Variants in PTPRK observed in about 807,000 individuals in gnomAD.
PTPRK encodes protein tyrosine phosphatase receptor type K, also known as receptor-type tyrosine-protein phosphatase kappa.
PTPRK carries 75 observed loss-of-function variants against 178.0 expected under a neutral mutation model. That is an observed-to-expected ratio of 0.42 (90% CI 0.35 to 0.51). PTPRK has a LOEUF of 0.51. Ranked by LOEUF, PTPRK falls within the 20% of genes least tolerant of loss-of-function variation. PTPRK has a pLI of 0.02. For missense variants in PTPRK, 1,441 were observed against 1,797.8 expected, an observed-to-expected ratio of 0.80 and a Z score of 3.59; for synonymous variants, 637 against 620.6, an observed-to-expected ratio of 1.03 and a Z score of -0.39.
intron 2 of PTPRK, among the ~76,000 whole-genome samples, chr6:128,356,315 T>G (rs1465401642): frequency 2.0e-5 from 3 of 152,304 alleles, no homozygotes; most frequent in Admixed American, 2.0e-4. Flanking sequence ...TTAATCGAGC[T>G]TATTGAAGGT....
At chr6:128,055,374 G>C (rs1779718053) in intron 13 of PTPRK, among the ~76,000 whole-genome samples, 1 of 152,052 alleles carries the variant, frequency 6.6e-6, no homozygotes. Context: ...TACTTGTTTT[G>C]ATATTTATAA....
intron 3 of PTPRK, among the ~76,000 whole-genome samples, chr6:128,261,303 A>G (rs186620625): frequency 4.1e-4 from 62 of 152,320 alleles, no homozygotes; most frequent in African/African-American, 1.5e-3. Flanking sequence ...TATGGATTTA[A>G]AATTTGAGAA....
chr6:128,306,246 A>G (rs888979470), intron 3 of PTPRK, among the ~76,000 whole-genome samples: 1 of 152,230 alleles, frequency 6.6e-6, no homozygotes, highest in African/African-American at 2.4e-5. Context: ...AAAACATTCA[A>G]GAAGGTTATA....
intron 21 of PTPRK, among the ~76,000 whole-genome samples, chr6:127,990,348 C>T (rs1274621595): frequency 1.3e-5 from 2 of 152,042 alleles, no homozygotes; most frequent in African/African-American, 4.8e-5. Context: ...CATAACCCGT[C>T]ACTCCCTCAC....
At chr6:128,180,353 AT>A (rs750633145) in intron 7 of PTPRK, among the ~76,000 whole-genome samples, 4 of 152,122 alleles carry the variant, frequency 2.6e-5, no homozygotes, top group Non-Finnish European at 5.9e-5. Flanking sequence ...GAGTTTCTGA[AT>A]TACTTCCCTT....
At chr6:128,294,859 T>C (rs368893048) in intron 3 of PTPRK, among the ~76,000 whole-genome samples, 1 of 152,012 alleles carries the variant, frequency 6.6e-6, no homozygotes, top group Admixed American at 6.6e-5. Flanking sequence ...CTTATGAATG[T>C]AGACATAATG....
In PTPRK at chr6:127,983,388, A is replaced by G. The variant is rs975824460; in HGVS notation, c.3252-11T>C. ...CGTCCAGCACCAGCACTGAAAAACA[A>G]TTAAATTTAATGAATTGTAAGAAGC... On this transcript the variant is annotated splice_polypyrimidine_tract_variant and intron_variant, in intron 22 of 29. Coordinates refer to ENST00000368226, the MANE Select transcript of PTPRK (RefSeq NM_002844.4). 3 of 1,610,906 alleles carry G rather than the reference A, an allele frequency of 1.9e-6. No individual in the cohort carries two copies. Among genetic ancestry groups the G allele is most frequent in the Non-Finnish European group, 2.5e-6 (3 of 1,178,612 alleles).
intron 13 of PTPRK, among the ~76,000 whole-genome samples, chr6:128,037,630 T>A (rs1236411682): frequency 6.6e-6 from 1 of 152,162 alleles, no homozygotes; most frequent in East Asian, 1.9e-4. Context: ...TCTTGATTAG[T>A]GAAAGAAAAA....
At chr6:128,277,397 T>G (rs1290634916) in intron 3 of PTPRK, among the ~76,000 whole-genome samples, 2 of 152,204 alleles carry the variant, frequency 1.3e-5, no homozygotes, top group Non-Finnish European at 2.9e-5. Flanking sequence ...AGAAAATGAT[T>G]GTCTTTTGTC....
At chr6:128,427,086 G>A (rs1227843694) in intron 1 of PTPRK, among the ~76,000 whole-genome samples, 1 of 152,146 alleles carries the variant, frequency 6.6e-6, no homozygotes, top group Non-Finnish European at 1.5e-5. Flanking sequence ...TACTGAACAG[G>A]CACATGTTAA....
intron 9 of PTPRK, among the ~76,000 whole-genome samples, chr6:128,083,464 C>T (rs1398508220): frequency 6.6e-6 from 1 of 151,806 alleles, no homozygotes; most frequent in Non-Finnish European, 1.5e-5. Context: ...TATCCTGCTT[C>T]CCTAAATCAA....
intron 7 of PTPRK, among the ~76,000 whole-genome samples, chr6:128,092,238 A>AT (rs1172261794): frequency 3.3e-5 from 5 of 152,104 alleles, no homozygotes; most frequent in African/African-American, 7.2e-5. Flanking sequence ...TGAAATTGAC[A>AT]TTTTTTTCCA....
At chr6:128,238,069 A>C (rs553912137) in intron 5 of PTPRK, 7 of 447,546 alleles carry the variant, frequency 1.6e-5, no homozygotes, top group African/African-American at 1.4e-4. Context: ...GTTATTGAAA[A>C]AGGTAAAATA....
Position 128,246,370 on chromosome 6 carries a change from T to C in PTPRK, c.496-3768A>G, listed in dbSNP as rs371412248. On this transcript the variant is annotated intron_variant, in intron 3 of 29. Coordinates refer to ENST00000368226, the MANE Select transcript of PTPRK (RefSeq NM_002844.4). Reference sequence around the variant, plus strand: ...AAAGTTTCATATGTGTTCATTTAAATTGAGCTTTACTCAGGACAATAAATT... The same window carrying C: ...AAAGTTTCATATGTGTTCATTTAAACTGAGCTTTACTCAGGACAATAAATT... Among the ~76,000 whole-genome samples, 66 of 152,236 alleles carry C rather than the reference T, an allele frequency of 4.3e-4. 1 individual carries two copies. In the South Asian group the frequency reaches 0.013, roughly 31 times the overall value.
At chr6:128,307,048 A>G (rs1190106913) in intron 3 of PTPRK, among the ~76,000 whole-genome samples, 1 of 151,878 alleles carries the variant, frequency 6.6e-6, no homozygotes, top group African/African-American at 2.4e-5. Context: ...AGGGGGAGTA[A>G]GAAAGTGTGA....
At chr6:128,281,559 C>T (rs933180116) in intron 3 of PTPRK, among the ~76,000 whole-genome samples, 1 of 152,068 alleles carries the variant, frequency 6.6e-6, no homozygotes, top group Non-Finnish European at 1.5e-5. Context: ...CAAGAACACC[C>T]CTATGCCTGG....
intron 29 of PTPRK, among the ~76,000 whole-genome samples, chr6:127,970,861 G>T (rs922356408): frequency 6.6e-6 from 1 of 151,476 alleles, no homozygotes; most frequent in African/African-American, 2.4e-5. Context: ...TATATGTATT[G>T]TTTGACTATT....
intron 4 of PTPRK, chr6:128,241,354 A>C (rs1455661577): frequency 1.9e-6 from 1 of 527,268 alleles, no homozygotes; most frequent in Non-Finnish European, 3.9e-6. Flanking sequence ...GTCAGGCCCC[A>C]CCCCAGACCT....
intron 1 of PTPRK, among the ~76,000 whole-genome samples, chr6:128,451,230 A>G (rs1847750463): frequency 6.6e-6 from 1 of 152,232 alleles, no homozygotes; most frequent in East Asian, 1.9e-4. Context: ...ATAACTTAGC[A>G]ACTTGATATT....
Sources: gnomAD v4.1 joint callset for allele counts (sites outside exome capture counted in the v4.1 genomes callset) on GRCh38, gnomAD v4.1.1 for gene constraint, MANE v1.5 for transcripts, NCBI Gene and HGNC (gene_info 2026-07-23, HGNC 2026-07-21) for gene names.